PTPN14: variants seen among roughly 807,000 people sequenced by gnomAD.
PTPN14 encodes protein tyrosine phosphatase non-receptor type 14.
A neutral mutation model predicts 126.8 loss-of-function variants in PTPN14; 53 were observed. The observed-to-expected ratio is 0.42, with a 90% CI of 0.34 to 0.53. The LOEUF is 0.53. Ranked by LOEUF, PTPN14 falls within the 20% of genes least tolerant of loss-of-function variation. The pLI, the probability that PTPN14 is intolerant of heterozygous loss-of-function variation, is 0.08. For synonymous variants in PTPN14, 630 were observed against 599.3 expected (o/e 1.05, Z -0.75); for missense variants, 1,257 against 1,552.9 (o/e 0.81, Z 3.20).
At chr1:214,359,089 T>C (rs1238875129) in intron 18 of PTPN14, among the ~76,000 whole-genome samples, 1 of 152,102 alleles carries the variant, frequency 6.6e-6, no homozygotes, top group Non-Finnish European at 1.5e-5. Flanking sequence ...AATGCAATTA[T>C]AATCTCACAG....
At chr1:214,452,098 G>A (rs1660285005) in intron 2 of PTPN14, 124 bp from the exon 3 acceptor site, 10 of 1,028,890 alleles carry the variant, frequency 9.7e-6, no homozygotes, top group Non-Finnish European at 1.4e-5. Context: ...ATAAGATCCA[G>A]CTTTGACATA....
intron 1 of PTPN14, chr1:214,483,448 T>C: frequency 9.2e-7 from 1 of 1,084,462 alleles, no homozygotes. Context: ...CGCACAAGCC[T>C]CGCCTAGTAA....
At chr1:214,507,968 C>T (rs1192206770) in intron 1 of PTPN14, among the ~76,000 whole-genome samples, 1 of 151,848 alleles carries the variant, frequency 6.6e-6, no homozygotes, top group Admixed American at 6.6e-5. Context: ...CACCAGCCTG[C>T]GCAACATAAT....
At chr1:214,403,709 G>A (rs1388190666) in intron 5 of PTPN14, among the ~76,000 whole-genome samples, 1 of 152,206 alleles carries the variant, frequency 6.6e-6, no homozygotes, top group Non-Finnish European at 1.5e-5. Flanking sequence ...GCTTAGGATG[G>A]TGAGATGGAA....
chr1:214,359,624 A>G (rs1276682688), intron 18 of PTPN14, among the ~76,000 whole-genome samples: 2 of 151,944 alleles, frequency 1.3e-5, no homozygotes, highest in African/African-American at 4.8e-5. Context: ...GGCTCAAGCA[A>G]TCCTCCCACT....
intron 1 of PTPN14, among the ~76,000 whole-genome samples, chr1:214,497,296 T>C (rs1399647811): frequency 6.6e-6 from 1 of 152,104 alleles, no homozygotes; most frequent in Non-Finnish European, 1.5e-5. Context: ...TATGAAGACA[T>C]TCAACCTCAC....
rs140329146 is a variant in PTPN14, at chr1:214,506,498, T to C, written c.-154-41541A>G. On this transcript the variant is annotated intron_variant, in intron 1 of 18. Coordinates refer to ENST00000366956, the MANE Select transcript of PTPN14 (RefSeq NM_005401.5). Reference sequence around the variant, plus strand: ...TGCCACTGCACTCCAACCTGGAAGATAGAGATCCTGTGTCTAAAAGAAGAA... The same window carrying C: ...TGCCACTGCACTCCAACCTGGAAGACAGAGATCCTGTGTCTAAAAGAAGAA... 4.1e-4 allele frequency among the ~76,000 whole-genome samples: 61 copies of C among 149,380 alleles called. No individual in the cohort carries two copies. In the East Asian group the frequency reaches 0.01, roughly 25 times the overall value.
intron 1 of PTPN14, among the ~76,000 whole-genome samples, chr1:214,495,923 A>G (rs1654480155): frequency 1.3e-5 from 2 of 151,810 alleles, no homozygotes; most frequent in Non-Finnish European, 2.9e-5. Flanking sequence ...CGAACTCCCG[A>G]CCTCTGGTGA....
intron 1 of PTPN14, among the ~76,000 whole-genome samples, chr1:214,509,830 C>T (rs865939723): frequency 3.6e-4 from 55 of 152,286 alleles, no homozygotes; most frequent in Middle Eastern, 6.8e-3. Context: ...GAGTTCACGT[C>T]CTTTGTAGGG....
chr1:214,368,177 T>A (rs1413403428), intron 17 of PTPN14, among the ~76,000 whole-genome samples: 1 of 127,186 alleles, frequency 7.9e-6, no homozygotes, highest in Non-Finnish European at 1.8e-5. Context: ...ATGAAAACAA[T>A]TTTTTTAATG....
At position 214,397,848 on chromosome 1, in the gene PTPN14, G is replaced by A. The variant is rs941809186; in HGVS notation, c.758+65C>T. 8 of 1,342,748 alleles carry A rather than the reference G, an allele frequency of 6.0e-6. No homozygotes were observed. The African/African-American group carries it at 1.2e-4, about 20-fold the overall frequency. 83.2% of individuals were successfully genotyped at this position (1,342,748 alleles called of 1,614,324 possible). On this transcript the variant is annotated intron_variant, in intron 8 of 18. Transcript: ENST00000366956. ...GCTCTTAACTCATTTGGATGTTAAT[G>A]TAACATTAACATTACAGTTCCTCAA...
chr1:214,410,252 T>G (rs1187164238), intron 5 of PTPN14, among the ~76,000 whole-genome samples: 4 of 152,126 alleles, frequency 2.6e-5, no homozygotes, highest in Non-Finnish European at 5.9e-5. Flanking sequence ...CCATGTTTTC[T>G]TCTAGTGTTT....
At chr1:214,398,770 ATT>A (rs764650891) in intron 7 of PTPN14, among the ~76,000 whole-genome samples, 3 of 140,830 alleles carry the variant, frequency 2.1e-5, no homozygotes, top group African/African-American at 7.8e-5. Context: ...AAAAGAGTAA[ATT>A]TTTTTTTTTT....
chr1:214,451,898 T>C lies in PTPN14; in HGVS notation c.251A>G (p.Lys84Arg), dbSNP rs767617692. ...RWVELEKPLK[K>R]HLDKFANEPL... Reference sequence around the variant, plus strand: ...CTCATTAGCGAATTTGTCCAGATGTTTCTTCAGAGGTTTCTCCAGCTCCAC... The same window carrying C: ...CTCATTAGCGAATTTGTCCAGATGTCTCTTCAGAGGTTTCTCCAGCTCCAC... Residue 84 changes from lysine to arginine, a missense_variant, in exon 3 of 19, where the codon AAA becomes AGA. Transcript: ENST00000366956. The C allele has an allele frequency of 6.2e-7, 1 of 1,614,240 alleles. No individual in the cohort carries two copies. The highest frequency in any genetic ancestry group is 8.5e-7 in the Non-Finnish European group (1 of 1,180,044).
intron 17 of PTPN14, among the ~76,000 whole-genome samples, chr1:214,368,196 T>TTTTATTTA (rs142403379): frequency 0.14 from 20,653 of 146,194 alleles, 1,547 homozygotes; most frequent in Middle Eastern, 0.19. Flanking sequence ...TGTTATTCGT[T>TTTTATTTA]TTTATTTATT....
At position 214,350,321 on chromosome 1, in the gene PTPN14, A is replaced by G. The variant is rs1657677948; in HGVS notation, c.*7601T>C. The G allele has an allele frequency of 6.6e-6, 1 of 152,234 alleles. No individual in the cohort carries two copies. Among genetic ancestry groups the G allele is most frequent in the Non-Finnish European group, 1.5e-5 (1 of 68,056 alleles). The allele number at this position is 152,234 out of a possible 1,614,324, so 9.4% of individuals were successfully genotyped here. A position where few individuals can be genotyped will look rare whatever the true frequency, so the allele number is the denominator to read the frequency against. On this transcript the variant is annotated 3_prime_UTR_variant, in exon 19 of 19. Coordinates refer to ENST00000366956, the MANE Select transcript of PTPN14 (RefSeq NM_005401.5). The stretch of plus-strand genomic sequence containing the variant: ...AAACAAATGGGTCTTCCTATACATC[A>G]GTCTGCCAAATGCAGCCTCTCTCAA...
In PTPN14 at chr1:214,364,427, A is replaced by G. The variant is rs560594498; in HGVS notation, c.3435+85T>C. On this transcript the variant is annotated intron_variant, in intron 18 of 18. Transcript: ENST00000366956. This position sits in a 1 kb window ranked among gnomAD's most constrained non-coding sequence, Gnocchi z 4.1. ...GGAGACAGGAAATTAACCACTGAAA[A>G]TGCAAGGGTGCAGGCAAAGGTTTGG... 2 of 1,490,974 alleles carry G rather than the reference A, an allele frequency of 1.3e-6. No homozygotes were observed. Among genetic ancestry groups the G allele is most frequent in the Non-Finnish European group, 1.8e-6 (2 of 1,109,190 alleles). The allele number at this position is 1,490,974 out of a possible 1,614,324, so 92.4% of individuals were successfully genotyped here.
At chr1:214,420,509 T>TG (rs914834348) in intron 3 of PTPN14, among the ~76,000 whole-genome samples, 1 of 152,142 alleles carries the variant, frequency 6.6e-6, no homozygotes, top group Non-Finnish European at 1.5e-5. Flanking sequence ...CCTTAACTAG[T>TG]GAAAAAAAGC....
chr1:214,504,824 T>C (rs1005963494), intron 1 of PTPN14, among the ~76,000 whole-genome samples: 25 of 151,892 alleles, frequency 1.6e-4, no homozygotes, highest in African/African-American at 5.8e-4. Context: ...TGCAGACAAG[T>C]AGGACTGGCT....
Sources: allele counts gnomAD v4.1 joint callset (sites outside exome capture counted in the v4.1 genomes callset), GRCh38; gene constraint gnomAD v4.1.1; non-coding constraint Gnocchi (gnomAD v3.1); transcripts MANE v1.5; gene names NCBI Gene and HGNC (gene_info 2026-07-23, HGNC 2026-07-21).